The following NCOA3 variants were observed in gnomAD, a reference collection of about 807,000 sequenced individuals.
The protein encoded by NCOA3 is nuclear receptor coactivator 3.
Under a neutral mutation model 158.8 loss-of-function variants are expected in NCOA3, and 51 were observed. The ratio of observed to expected loss-of-function variants is 0.32; its 90% confidence interval spans 0.26 to 0.41. NCOA3 has a LOEUF of 0.41. NCOA3 is among the 10% of genes least tolerant of loss of function. NCOA3 has a pLI of 1.00. For missense variants in NCOA3, 1,510 were observed against 1,746.6 expected (o/e 0.86, Z 2.41); for synonymous variants, 537 against 592.4 (o/e 0.91, Z 1.36).
rs1290466189 is a variant in NCOA3 at position 47,639,250 on chromosome 20, T to G, written c.2707+48T>G. On this transcript the variant is annotated intron_variant, in intron 14 of 22. Transcript: ENST00000371998. The stretch of plus-strand genomic sequence containing the variant: ...GTATGATTATTTTGGGAAAAGCATA[T>G]TTAAAATACTTAAAGCCATCTAAAT... The G allele has an allele frequency of 2.1e-6, 3 of 1,454,458 alleles. No individual in the cohort carries two copies. The East Asian group carries it at 6.8e-5, about 33-fold the overall frequency. 90.1% of individuals were successfully genotyped at this position (1,454,458 alleles called of 1,614,324 possible).
intron 17 of NCOA3, among the ~76,000 whole-genome samples, chr20:47,645,689 C>T (rs925458986): frequency 6.6e-6 from 1 of 152,072 alleles, no homozygotes; most frequent in Non-Finnish European, 1.5e-5. Flanking sequence ...CCATGTTTAA[C>T]TTAAAGTATA....
chr20:47,636,491 C>G lies in NCOA3; in HGVS notation c.2105C>G (p.Thr702Ser), dbSNP rs2086518653. 6.2e-7 allele frequency: 1 copy of G among 1,614,058 alleles called. No individual in the cohort carries two copies. Among genetic ancestry groups the G allele is most frequent in the Admixed American group, 1.7e-5 (1 of 60,008 alleles). Residue 702 changes from threonine (T) to serine (S), a missense_variant, in exon 12 of 23, where the codon ACT becomes AGT. By Grantham distance (58) the Thr-to-Ser change is moderately conservative. Transcript: ENST00000371998. Reference protein sequence around the residue: ...GNSPAEVAKITAEATGKDTSS... With the variant: ...GNSPAEVAKISAEATGKDTSS... The stretch of plus-strand genomic sequence containing the variant: ...TCACCAGCTGAGGTAGCCAAGATTA[C>G]TGCAGAAGCCACTGGGAAAGACACC...
intron 1 of NCOA3, among the ~76,000 whole-genome samples, chr20:47,564,831 T>G (rs1159202285): frequency 2.0e-5 from 3 of 152,236 alleles, no homozygotes; most frequent in Non-Finnish European, 4.4e-5. Context: ...ACTCTGGTTC[T>G]TAGTCCATTT....
At chr20:47,511,524 G>GAGATATATATATATATAT (rs74178739) in intron 1 of NCOA3, among the ~76,000 whole-genome samples, 2 of 22,020 alleles carry the variant, frequency 9.1e-5, no homozygotes, top group African/African-American at 1.8e-4. Flanking sequence ...TCTCTCTCGA[G>GAGATATATATATATATAT]ATATATATAT....
chr20:47,607,141 A>G (rs1260936859), intron 2 of NCOA3, among the ~76,000 whole-genome samples: 2 of 152,204 alleles, frequency 1.3e-5, no homozygotes, highest in African/African-American at 4.8e-5. Context: ...GACAGCATGA[A>G]AATTCATTTA....
At chr20:47,567,411 T>TA (rs2146194284) in intron 1 of NCOA3, among the ~76,000 whole-genome samples, 1 of 151,734 alleles carries the variant, frequency 6.6e-6, no homozygotes, top group Non-Finnish European at 1.5e-5. Flanking sequence ...TTTTTTTTTT[T>TA]AAAGAGCTAG....
chr20:47,652,164 A>G (rs1289981520), intron 20 of NCOA3, among the ~76,000 whole-genome samples: 1 of 152,022 alleles, frequency 6.6e-6, no homozygotes, highest in Non-Finnish European at 1.5e-5. Flanking sequence ...CATTAAAGCA[A>G]CTGATCTTTC....
intron 2 of NCOA3, among the ~76,000 whole-genome samples, chr20:47,583,962 G>GA (rs1486035063): frequency 2.0e-5 from 3 of 151,416 alleles, no homozygotes; most frequent in Non-Finnish European, 3.0e-5. Context: ...TCTCCAAAAA[G>GA]AAAAAAAAGA....
rs2086256662 is a variant in NCOA3, at chr20:47,622,420, G to A, written c.83+90G>A. 4.5e-6 allele frequency: 4 copies of A among 895,078 alleles called. No individual in the cohort carries two copies. The South Asian group carries it at 8.0e-5, about 18-fold the overall frequency. 55.4% of individuals were successfully genotyped at this position (895,078 alleles called of 1,614,324 possible). The stretch of plus-strand genomic sequence containing the variant: ...AACTTCTTGCCATTTACATTCTCTG[G>A]TTAGATTTTTTGGTGGTTTCACTTC... On this transcript the variant is annotated intron_variant, in intron 3 of 22. Coordinates refer to ENST00000371998, the MANE Select transcript of NCOA3 (RefSeq NM_181659.3).
rs1057301824 is a variant in NCOA3 at position 47,585,575 on chromosome 20, G to A, written c.-20+2314G>A. Among the ~76,000 whole-genome samples, 3 of 152,208 alleles carry A rather than the reference G, an allele frequency of 2.0e-5. No individual in the cohort carries two copies. The South Asian group carries it at 6.2e-4, about 32-fold the overall frequency. On this transcript the variant is annotated intron_variant, in intron 2 of 22. Coordinates refer to ENST00000371998, the MANE Select transcript of NCOA3 (RefSeq NM_181659.3). ...TTCTATTTTCATGTGTCCTGTATTT[G>A]TTCCACTTTCTGTTCCTAATTTTAG...
rs371797742 is a variant in NCOA3 at position 47,598,721 on chromosome 20, A to G, written c.-20+15460A>G. Among the ~76,000 whole-genome samples, 20 of 152,382 alleles carry G rather than the reference A, an allele frequency of 1.3e-4. No individual in the cohort carries two copies. The South Asian group carries it at 1.7e-3, about 13-fold the overall frequency. On this transcript the variant is annotated intron_variant, in intron 2 of 22. Coordinates refer to ENST00000371998, the MANE Select transcript of NCOA3 (RefSeq NM_181659.3). Reference sequence around the variant, plus strand: ...CAGCTTACACACAAATATTCATAGCAACAGTATTCATAGTAGCAGAACAAC... The same window carrying G: ...CAGCTTACACACAAATATTCATAGCGACAGTATTCATAGTAGCAGAACAAC...
chr20:47,651,671 AT>A (rs964099333), intron 20 of NCOA3, among the ~76,000 whole-genome samples: 6 of 148,604 alleles, frequency 4.0e-5, no homozygotes, highest in Admixed American at 6.7e-5. Flanking sequence ...TGGATTTATT[AT>A]TTTTTTTTTG....
chr20:47,652,626 A>G, intron 21 of NCOA3, 46 bp downstream of exon 21: 1 of 1,551,040 alleles, frequency 6.4e-7, no homozygotes, highest in Non-Finnish European at 8.8e-7. Flanking sequence ...TAGTCCCAGA[A>G]GTCCAAGAAC....
intron 2 of NCOA3, among the ~76,000 whole-genome samples, chr20:47,584,155 G>A (rs1316433897): frequency 1.3e-5 from 2 of 152,010 alleles, no homozygotes; most frequent in African/African-American, 4.8e-5. Flanking sequence ...AAATTAGCTA[G>A]CAAGGTGGTG....
At chr20:47,614,067 C>T (rs2086091342) in intron 2 of NCOA3, among the ~76,000 whole-genome samples, 1 of 81,876 alleles carries the variant, frequency 1.2e-5, no homozygotes, top group Non-Finnish European at 2.6e-5. Flanking sequence ...AACAGTTCCA[C>T]GTTATAAAAG....
At chr20:47,529,349 T>A (rs879508549) in intron 1 of NCOA3, among the ~76,000 whole-genome samples, 7 of 148,844 alleles carry the variant, frequency 4.7e-5, no homozygotes, top group Non-Finnish European at 1.0e-4. Context: ...TAACTCCTGA[T>A]CTCAGGTGAT....
At chr20:47,566,066 C>T (rs6094738) in intron 1 of NCOA3, among the ~76,000 whole-genome samples, 20,627 of 151,698 alleles carry the variant, frequency 0.14, 2,010 homozygotes, top group African/African-American at 0.26. Flanking sequence ...CTCTGCCTCC[C>T]GGGTTCAAGC....
At chr20:47,553,074 C>T (rs890209809) in intron 1 of NCOA3, among the ~76,000 whole-genome samples, 1 of 151,926 alleles carries the variant, frequency 6.6e-6, no homozygotes, top group South Asian at 2.1e-4. Flanking sequence ...GCTGGGACTA[C>T]AAGCACACAC....
At chr20:47,607,404 A>G (rs2085964438) in intron 2 of NCOA3, among the ~76,000 whole-genome samples, 1 of 152,222 alleles carries the variant, frequency 6.6e-6, no homozygotes, top group Non-Finnish European at 1.5e-5. Flanking sequence ...ATAGACTTAA[A>G]TCTGTATAAC....
Sources: gnomAD v4.1 joint callset for allele counts (sites outside exome capture counted in the v4.1 genomes callset) on GRCh38, gnomAD v4.1.1 for gene constraint, MANE v1.5 for transcripts, NCBI Gene and HGNC (gene_info 2026-07-23, HGNC 2026-07-21) for gene names.